The following GDPD5 variants were observed in gnomAD, a reference collection of about 807,000 sequenced individuals.
GDPD5 encodes glycerophosphodiester phosphodiesterase 2.
Under a neutral mutation model 75.1 loss-of-function variants are expected in GDPD5, and 48 were observed. The ratio of observed to expected loss-of-function variants is 0.64; its 90% CI spans 0.51 to 0.81. GDPD5 has a LOEUF of 0.81. Ranked by LOEUF, GDPD5 falls within the 40% of genes least tolerant of loss-of-function variation. GDPD5 has a pLI of 0.00. For synonymous variants in GDPD5, 336 were observed against 339.0 expected, an observed-to-expected ratio of 0.99 and a Z score of 0.10; for missense variants, 706 against 822.6, an observed-to-expected ratio of 0.86 and a Z score of 1.73.
intron 2 of GDPD5, among the ~76,000 whole-genome samples, chr11:75,484,926 C>T (rs1260494295): frequency 2.0e-5 from 3 of 152,098 alleles, no homozygotes; most frequent in Non-Finnish European, 1.5e-5. Context: ...GGCCAATGGT[C>T]TTAACAGATT....
At chr11:75,440,647 C>T (rs1948768357) in intron 14 of GDPD5, among the ~76,000 whole-genome samples, 1 of 152,204 alleles carries the variant, frequency 6.6e-6, no homozygotes, top group Non-Finnish European at 1.5e-5. Context: ...CTTTGACCTG[C>T]TGGGCTCAAG....
intron 13 of GDPD5, 35 bp from the exon 14 acceptor site, chr11:75,441,345 A>G (rs750796873): frequency 1.5e-5 from 24 of 1,612,392 alleles, no homozygotes; most frequent in Non-Finnish European, 1.9e-5. Flanking sequence ...CAGCATGCGG[A>G]CCCTGGCAGC....
At position 75,476,005 on chromosome 11, in the gene GDPD5, G is replaced by A. The variant is rs564914362; in HGVS notation, c.117+1614C>T. On this transcript the variant is annotated intron_variant, in intron 3 of 16. Coordinates refer to ENST00000336898, the MANE Select transcript of GDPD5 (RefSeq NM_030792.8). ...GACTGGCTGGCCTTGGGCCCACCAA[G>A]GAGATGAGACTTCTGGGAGATACGC... Among the ~76,000 whole-genome samples, 3 of 152,302 alleles carry A rather than the reference G, an allele frequency of 2.0e-5. No individual in the cohort carries two copies. In the South Asian group the frequency reaches 6.2e-4, roughly 32 times the overall value.
At chr11:75,452,539 T>C (rs1949188080) in intron 6 of GDPD5, among the ~76,000 whole-genome samples, 1 of 152,186 alleles carries the variant, frequency 6.6e-6, no homozygotes, top group African/African-American at 2.4e-5. Context: ...GCCTGACACA[T>C]GTGGTCAGCA....
At chr11:75,439,398 G>A (rs918828291) in intron 15 of GDPD5, 2 of 456,134 alleles carry the variant, frequency 4.4e-6, no homozygotes, top group African/African-American at 4.0e-5. Context: ...GAGGGGGAGA[G>A]AGGAGGGACA....
intron 1 of GDPD5, among the ~76,000 whole-genome samples, chr11:75,503,248 T>C (rs551144555): frequency 1.2e-4 from 19 of 152,202 alleles, no homozygotes; most frequent in Non-Finnish European, 1.8e-4. Flanking sequence ...CTCGAACTCC[T>C]GACCTCAGGT....
At chr11:75,489,367 T>G (rs1396230420) in intron 2 of GDPD5, among the ~76,000 whole-genome samples, 1 of 152,244 alleles carries the variant, frequency 6.6e-6, no homozygotes, top group Non-Finnish European at 1.5e-5. Context: ...CAGTCTCTGC[T>G]TCCAGGCAGG....
intron 2 of GDPD5, among the ~76,000 whole-genome samples, chr11:75,489,140 A>G (rs1018943505): frequency 2.4e-4 from 36 of 151,976 alleles, no homozygotes; most frequent in Non-Finnish European, 1.3e-4. Context: ...CTGCCTCTGA[A>G]TAATAATTAG....
chr11:75,492,857 C>T (rs1211321906), intron 1 of GDPD5, among the ~76,000 whole-genome samples: 1 of 152,112 alleles, frequency 6.6e-6, no homozygotes, highest in Non-Finnish European at 1.5e-5. Context: ...CTCAGCCTCC[C>T]GAGTAGCTGC....
At chr11:75,484,002 C>T (rs1464470429) in intron 2 of GDPD5, among the ~76,000 whole-genome samples, 3 of 152,154 alleles carry the variant, frequency 2.0e-5, no homozygotes, top group Non-Finnish European at 4.4e-5. Context: ...GCCTGGCCAA[C>T]ATGGTGAAAC....
chr11:75,480,292 C>T (rs1478487745), intron 2 of GDPD5, among the ~76,000 whole-genome samples: 2 of 150,794 alleles, frequency 1.3e-5, no homozygotes, highest in Non-Finnish European at 2.9e-5. Flanking sequence ...CGCACCACTG[C>T]ACTCCAGCCA....
intron 9 of GDPD5, chr11:75,448,726 G>C (rs1949051170): frequency 9.1e-6 from 11 of 1,206,154 alleles, no homozygotes; most frequent in Non-Finnish European, 1.1e-5. Context: ...TCTAGCCTGG[G>C]CCTAAAACCC....
intron 10 of GDPD5, 97 bp from the exon 11 acceptor site, chr11:75,443,383 A>G: frequency 7.1e-7 from 1 of 1,402,502 alleles, no homozygotes; most frequent in Non-Finnish European, 9.7e-7. Flanking sequence ...CACCCAGCAC[A>G]GGATCCCGGC....
At chr11:75,481,219 G>C (rs1949910122) in intron 2 of GDPD5, among the ~76,000 whole-genome samples, 1 of 152,214 alleles carries the variant, frequency 6.6e-6, no homozygotes, top group African/African-American at 2.4e-5. Flanking sequence ...CAAGGCCCCA[G>C]GGGCTGCACC....
Position 75,476,558 on chromosome 11 carries a change from G to A in GDPD5, c.117+1061C>T, listed in dbSNP as rs564782188. 3.3e-5 allele frequency among the ~76,000 whole-genome samples: 5 copies of A among 152,246 alleles called. No individual in the cohort carries two copies. The South Asian group carries it at 6.2e-4, about 19-fold the overall frequency. On this transcript the variant is annotated intron_variant, in intron 3 of 16. Coordinates refer to ENST00000336898, the MANE Select transcript of GDPD5 (RefSeq NM_030792.8). Reference sequence around the variant, plus strand: ...AGCAGGGGCCTGGAGTGGAGAGACCGGGGCTCTAGTATTGGCGTTGCCAGG... The same window carrying A: ...AGCAGGGGCCTGGAGTGGAGAGACCAGGGCTCTAGTATTGGCGTTGCCAGG...
At chr11:75,504,562 A>G (rs969109826) in intron 1 of GDPD5, among the ~76,000 whole-genome samples, 6 of 152,338 alleles carry the variant, frequency 3.9e-5, no homozygotes, top group African/African-American at 9.6e-5. Context: ...AAGTGAAATA[A>G]GCCAAATATT....
chr11:75,466,101 T>C (rs73494876), intron 3 of GDPD5, among the ~76,000 whole-genome samples: 3,387 of 152,118 alleles, frequency 0.022, 133 homozygotes, highest in African/African-American at 0.077. Context: ...CCAGAGCTGG[T>C]GGTGGTTGGG....
chr11:75,449,462 C>T (rs1439490953), intron 8 of GDPD5, 55 bp downstream of exon 8: 1 of 1,498,048 alleles, frequency 6.7e-7, no homozygotes, highest in Non-Finnish European at 9.1e-7. Context: ...GCAGCACCAG[C>T]TGGTCTTGGC....
intron 3 of GDPD5, among the ~76,000 whole-genome samples, chr11:75,475,513 C>T (rs747556637): frequency 1.3e-5 from 2 of 152,186 alleles, no homozygotes; most frequent in African/African-American, 2.4e-5. Flanking sequence ...CCAGCCCCAC[C>T]GCTGCCCTCA....
Sources: allele counts gnomAD v4.1 joint callset (sites outside exome capture counted in the v4.1 genomes callset), GRCh38; gene constraint gnomAD v4.1.1; transcripts MANE v1.5; gene names NCBI Gene and HGNC (gene_info 2026-07-23, HGNC 2026-07-21).